TXLNG: variants seen among roughly 807,000 people sequenced by gnomAD.
TXLNG encodes taxilin gamma.
TXLNG carries 5 observed loss-of-function variants against 38.8 expected under a neutral mutation model. That is an observed-to-expected ratio of 0.13 (90% CI 0.07 to 0.27). The LOEUF (loss-of-function observed/expected upper bound fraction) is 0.27, where lower values mean the gene tolerates loss of function less well. Ranked by LOEUF, TXLNG falls within the 10% of genes least tolerant of loss-of-function variation. TXLNG has a pLI of 1.00. For synonymous variants in TXLNG, 182 were observed against 158.2 expected, an observed-to-expected ratio of 1.15 and a Z score of -1.13; for missense variants, 393 against 398.2, an observed-to-expected ratio of 0.99 and a Z score of 0.11.
At chrX:16,801,366 A>G (rs1228458067) in intron 1 of TXLNG, among the ~76,000 whole-genome samples, 3 of 111,397 alleles carry the variant, frequency 2.7e-5, no homozygotes, top group Non-Finnish European at 5.7e-5. Flanking sequence ...TTGTATTTTT[A>G]GTAGAGATGG....
intron 4 of TXLNG, among the ~76,000 whole-genome samples, chrX:16,829,029 A>G (rs189510434): frequency 2.2e-3 from 239 of 108,603 alleles, no homozygotes; most frequent in Non-Finnish European, 4.1e-3. Flanking sequence ...AGTAAGTGGT[A>G]TTTTTTTTTT....
At chrX:16,827,604 T>C (rs1929216861) in intron 3 of TXLNG, among the ~76,000 whole-genome samples, 1 of 111,608 alleles carries the variant, frequency 9.0e-6, no homozygotes, top group South Asian at 3.7e-4. Flanking sequence ...GGAGAAGATC[T>C]GTGATCAGTG....
At chrX:16,789,612 G>A (rs1927629841) in intron 1 of TXLNG, among the ~76,000 whole-genome samples, 1 of 102,934 alleles carries the variant, frequency 9.7e-6, no homozygotes, top group Non-Finnish European at 2.0e-5. Context: ...AGTATGTCAG[G>A]CATTTTTTAG....
chrX:16,821,761 T>C (rs372502053), intron 3 of TXLNG, among the ~76,000 whole-genome samples: 65 of 109,260 alleles, frequency 5.9e-4, no homozygotes, highest in South Asian at 4.4e-3. Flanking sequence ...GAGGCCAAGG[T>C]GGGCGGATCA....
intron 1 of TXLNG, among the ~76,000 whole-genome samples, chrX:16,800,148 T>C (rs1928037035): frequency 8.9e-6 from 1 of 111,917 alleles, no homozygotes; most frequent in Non-Finnish European, 1.9e-5. Flanking sequence ...TCATGTTGGC[T>C]AGGCTGGTCT....
At position 16,829,677 on chromosome X, in the gene TXLNG, G is replaced by A. The variant is rs1228328562; in HGVS notation, c.771G>A (p.Gln257=). Residue 257 remains glutamine, a synonymous_variant, in exon 5 of 10, where the codon CAG becomes CAA. Transcript: ENST00000380122. ...TLNEIQAQLE[Q]HDIHNAKLRQ... Reference sequence around the variant, plus strand: ...ATGAAATTCAAGCCCAGCTGGAGCAGCATGACATCCACAACGCCAAACTCC... The same window carrying A: ...ATGAAATTCAAGCCCAGCTGGAGCAACATGACATCCACAACGCCAAACTCC... 2 of 1,210,465 alleles carry A rather than the reference G, an allele frequency of 1.7e-6. No individual in the cohort carries two copies. The highest frequency in any genetic ancestry group is 2.2e-6 in the Non-Finnish European group (2 of 895,406).
At chrX:16,811,666 G>A (rs1928523746) in intron 1 of TXLNG, among the ~76,000 whole-genome samples, 1 of 103,406 alleles carries the variant, frequency 9.7e-6, no homozygotes, top group South Asian at 4.4e-4. Context: ...TTTTTGAGAC[G>A]GAGTCTCGCT....
intron 1 of TXLNG, among the ~76,000 whole-genome samples, chrX:16,800,345 C>T: frequency 9.0e-6 from 1 of 111,142 alleles, no homozygotes; most frequent in South Asian, 3.8e-4. Context: ...GCCTCCACCT[C>T]CCAGGCTCAG....
At chrX:16,835,693 C>G (rs1330947194) in intron 7 of TXLNG, among the ~76,000 whole-genome samples, 1 of 112,085 alleles carries the variant, frequency 8.9e-6, no homozygotes, top group African/African-American at 3.2e-5. Context: ...ACTCAGAGTC[C>G]TCTTATCCAG....
chrX:16,804,336 A>G (rs182038969), intron 1 of TXLNG, among the ~76,000 whole-genome samples: 1 of 111,934 alleles, frequency 8.9e-6, no homozygotes, highest in South Asian at 3.7e-4. Context: ...ATTGGTGGAC[A>G]TTTAGGTTGT....
intron 1 of TXLNG, among the ~76,000 whole-genome samples, chrX:16,789,775 A>G (rs1385172615): frequency 9.3e-6 from 1 of 107,284 alleles, no homozygotes; most frequent in Non-Finnish European, 1.9e-5. Flanking sequence ...ATACCCCCTC[A>G]CACACACCCT....
chrX:16,806,384 C>T (rs1164998031), intron 1 of TXLNG, among the ~76,000 whole-genome samples: 2 of 112,700 alleles, frequency 1.8e-5, no homozygotes, highest in African/African-American at 6.4e-5. Context: ...GTTGCACATA[C>T]ACTGTTGTCC....
At chrX:16,833,136 T>G (rs1206443449) in intron 6 of TXLNG, among the ~76,000 whole-genome samples, 2 of 112,274 alleles carry the variant, frequency 1.8e-5, no homozygotes, top group Non-Finnish European at 3.8e-5. Flanking sequence ...AACAACAAGC[T>G]TACCAAGCCA....
chrX:16,793,649 T>C (rs1927779555), intron 1 of TXLNG, among the ~76,000 whole-genome samples: 1 of 107,939 alleles, frequency 9.3e-6, no homozygotes, highest in African/African-American at 3.4e-5. Context: ...TAAAATATCT[T>C]TTTTTTTTTT....
chrX:16,821,635 A>T (rs1928961290), intron 3 of TXLNG, among the ~76,000 whole-genome samples: 1 of 112,559 alleles, frequency 8.9e-6, no homozygotes, highest in Non-Finnish European at 1.9e-5. Context: ...TCATCTGTTA[A>T]AACAGTTAAT....
intron 4 of TXLNG, among the ~76,000 whole-genome samples, chrX:16,829,348 C>T (rs961400590): frequency 1.2e-4 from 13 of 111,234 alleles, no homozygotes; most frequent in Admixed American, 3.9e-4. Flanking sequence ...ACAGCCATAA[C>T]ATTTATTTTG....
At chrX:16,809,329 A>G (rs1319969664) in intron 1 of TXLNG, among the ~76,000 whole-genome samples, 1 of 96,158 alleles carries the variant, frequency 1.0e-5, no homozygotes, top group Non-Finnish European at 2.1e-5. Context: ...GATGTGTAAA[A>G]TGATATCTTA....
rs1230923827 is a variant in TXLNG, at chrX:16,842,396, A to C, written c.*630A>C. The C allele has an allele frequency of 8.9e-6, 1 of 111,924 alleles. No individual in the cohort carries two copies. The highest frequency in any genetic ancestry group is 1.9e-5 in the Non-Finnish European group (1 of 53,297). The allele number at this position is 111,924 out of a possible 1,213,427, so 9.2% of individuals were successfully genotyped here. On this transcript the variant is annotated 3_prime_UTR_variant, in exon 10 of 10. Coordinates refer to ENST00000380122, the MANE Select transcript of TXLNG (RefSeq NM_018360.3). ...CACTTGTGGACAAAATAGTACATAG[A>C]GGCAAATCACTAGACAAATAAGCTT...
chrX:16,842,106 C>G lies in TXLNG; in HGVS notation c.*340C>G, dbSNP rs751139259. ...CCATTACAAGGGAACTTTGTTCTGA[C>G]GATGGTTCCTTGATGTGAAAACAAT... On this transcript the variant is annotated 3_prime_UTR_variant, in exon 10 of 10. Transcript: ENST00000380122. The G allele has an allele frequency of 6.4e-6, 1 of 157,181 alleles. No homozygotes were observed. Among genetic ancestry groups the G allele is most frequent in the South Asian group, 2.8e-4 (1 of 3,584 alleles). 13.0% of individuals were successfully genotyped at this position (157,181 alleles called of 1,213,427 possible).
Sources: allele counts gnomAD v4.1 joint callset (sites outside exome capture counted in the v4.1 genomes callset), GRCh38; gene constraint gnomAD v4.1.1; transcripts MANE v1.5; gene names NCBI Gene and HGNC (gene_info 2026-07-23, HGNC 2026-07-21).